ROBO1: variants seen among roughly 807,000 people sequenced by gnomAD.
ROBO1 encodes roundabout homolog 1.
Under a neutral mutation model 195.9 loss-of-function variants are expected in ROBO1, and 149 were observed. That is an observed-to-expected ratio of 0.76 (90% CI 0.67 to 0.87). ROBO1 has a LOEUF of 0.87. ROBO1 is among the 40% of genes least tolerant of loss of function. The probability of loss-of-function intolerance (pLI) is 0.00; values close to 1 mark genes in which losing one functional copy is unlikely to be tolerated. For missense variants in ROBO1, 1,933 were observed against 2,068.3 expected (o/e 0.93, Z 1.27); for synonymous variants, 816 against 733.2 (o/e 1.11, Z -1.82).
chr3:79,681,744 T>C (rs1398312620), intron 1 of ROBO1, among the ~76,000 whole-genome samples: 5 of 151,954 alleles, frequency 3.3e-5, no homozygotes, highest in Non-Finnish European at 7.4e-5. Context: ...GGGCTTCCCC[T>C]TGGCTCTTTC....
At chr3:79,398,846 C>G (rs2037252020) in intron 2 of ROBO1, among the ~76,000 whole-genome samples, 2 of 152,046 alleles carry the variant, frequency 1.3e-5, no homozygotes, top group South Asian at 4.1e-4. Context: ...GACTTTTAGA[C>G]ATTTTTATGT....
At chr3:79,608,956 A>T (rs1447683122) in intron 1 of ROBO1, among the ~76,000 whole-genome samples, 1 of 151,908 alleles carries the variant, frequency 6.6e-6, no homozygotes, top group African/African-American at 2.4e-5. Context: ...TATAAAGGAG[A>T]TGTCTTACAG....
intron 2 of ROBO1, among the ~76,000 whole-genome samples, chr3:79,455,588 G>A (rs1389111076): frequency 2.6e-5 from 4 of 151,938 alleles, no homozygotes; most frequent in Non-Finnish European, 4.4e-5. Context: ...CAGTTGTAGT[G>A]CTCTGAGTCA....
At chr3:79,334,851 A>C (rs1184850711) in intron 2 of ROBO1, among the ~76,000 whole-genome samples, 1 of 152,126 alleles carries the variant, frequency 6.6e-6, no homozygotes, top group African/African-American at 2.4e-5. Context: ...CATGCCTATA[A>C]TCCCAGCACT....
intron 4 of ROBO1, among the ~76,000 whole-genome samples, chr3:78,806,893 C>T (rs755918405): frequency 1.3e-5 from 2 of 151,940 alleles, no homozygotes; most frequent in Non-Finnish European, 2.9e-5. Context: ...CTGCAACCTC[C>T]GCCTCCCAGG....
At chr3:79,399,599 G>T (rs1399783467) in intron 2 of ROBO1, among the ~76,000 whole-genome samples, 1 of 152,074 alleles carries the variant, frequency 6.6e-6, no homozygotes, top group Non-Finnish European at 1.5e-5. Flanking sequence ...TTCTGGCACA[G>T]ACATGTTTAC....
intron 4 of ROBO1, among the ~76,000 whole-genome samples, chr3:78,857,613 C>A (rs545380665): frequency 6.6e-6 from 1 of 152,326 alleles, no homozygotes; most frequent in African/African-American, 2.4e-5. Context: ...TTTCGAAAGG[C>A]AAACTCTCAG....
At chr3:79,259,609 A>T (rs2082902943) in intron 2 of ROBO1, among the ~76,000 whole-genome samples, 1 of 151,862 alleles carries the variant, frequency 6.6e-6, no homozygotes, top group Non-Finnish European at 1.5e-5. Context: ...GCCTCTGGTG[A>T]TCATCTTTCT....
In ROBO1 at chr3:79,088,171, CTCTGTCACTATAATA is replaced by C. The variant is rs577738082; in HGVS notation, c.172+37270_172+37284del. The stretch of plus-strand genomic sequence containing the variant: ...GCTGATTATTCGATATGGGAAAGCA[CTCTGTCACTATAATA>C]TCTGCTATGTGATCCATGTATAACA... On this transcript the variant is annotated intron_variant, in intron 3 of 30. Coordinates refer to ENST00000464233, the MANE Select transcript of ROBO1 (RefSeq NM_002941.4). Among the ~76,000 whole-genome samples the C allele has an allele frequency of 8.5e-3, 1,292 of 152,214 alleles. 6 individuals are homozygous for C. The highest frequency in any genetic ancestry group is 0.014 in the Non-Finnish European group (928 of 67,966).
chr3:79,014,337 GT>G (rs1037163828), intron 3 of ROBO1, among the ~76,000 whole-genome samples: 5 of 152,266 alleles, frequency 3.3e-5, no homozygotes, highest in Non-Finnish European at 5.9e-5. Flanking sequence ...GCCTGGCATG[GT>G]GGTGGGCATC....
intron 2 of ROBO1, among the ~76,000 whole-genome samples, chr3:79,288,727 T>C (rs967299516): frequency 6.6e-6 from 1 of 152,174 alleles, no homozygotes; most frequent in Non-Finnish European, 1.5e-5. Flanking sequence ...CGCCTATATA[T>C]TGCTATTGTT....
At chr3:78,823,617 T>C (rs761762402) in intron 4 of ROBO1, among the ~76,000 whole-genome samples, 1 of 152,184 alleles carries the variant, frequency 6.6e-6, no homozygotes, top group Non-Finnish European at 1.5e-5. Context: ...CTGCCTTCAT[T>C]TCCAGCCTCA....
chr3:79,622,473 C>A (rs976546480), intron 1 of ROBO1, among the ~76,000 whole-genome samples: 4 of 152,322 alleles, frequency 2.6e-5, no homozygotes, highest in African/African-American at 9.6e-5. Context: ...CTCTGTAGCT[C>A]CAGCCTGTGC....
chr3:79,398,633 G>A lies in ROBO1; in HGVS notation c.88+191191C>T, dbSNP rs189884923. On this transcript the variant is annotated intron_variant, in intron 2 of 30. Coordinates refer to ENST00000464233, the MANE Select transcript of ROBO1 (RefSeq NM_002941.4). ...TTTTTGCCTACATGAATTCTCAGTG[G>A]GACAGTTGGAAGTTTTCATTCAGAA... Among the ~76,000 whole-genome samples the A allele has an allele frequency of 1.3e-3, 199 of 152,098 alleles. 1 individual carries two copies. The highest frequency in any genetic ancestry group is 4.6e-3 in the African/African-American group (190 of 41,502).
chr3:79,345,750 C>G (rs2035086437), intron 2 of ROBO1, among the ~76,000 whole-genome samples: 2 of 152,244 alleles, frequency 1.3e-5, no homozygotes, highest in Admixed American at 6.5e-5. Context: ...CTCTCCTTAC[C>G]CTGCCATACA....
chr3:79,396,934 A>G (rs1361715014), intron 2 of ROBO1, among the ~76,000 whole-genome samples: 1 of 152,128 alleles, frequency 6.6e-6, no homozygotes, highest in South Asian at 2.1e-4. Flanking sequence ...ATACATTCAC[A>G]ATAAAATTAC....
chr3:79,138,461 A>C (rs2108605563), intron 2 of ROBO1, among the ~76,000 whole-genome samples: 1 of 152,192 alleles, frequency 6.6e-6, no homozygotes, highest in African/African-American at 2.4e-5. Context: ...TCATATACTT[A>C]TCTATCTAAA....
Position 78,627,544 on chromosome 3 carries a change from C to A in ROBO1, c.3652G>T (p.Val1218Leu). The A allele has an allele frequency of 6.2e-7, 1 of 1,612,746 alleles. No homozygotes were observed. The highest frequency in any genetic ancestry group is 8.5e-7 in the Non-Finnish European group (1 of 1,179,392). Residue 1218 changes from valine (V) to leucine (L), a missense_variant, in exon 26 of 31, where the codon GTG becomes TTG. By Grantham distance (32) the Val-to-Leu change is conservative. This residue lies in a region of ROBO1 where 1,737 missense variants were observed against 1,882.5 expected (regional missense o/e 0.92). Coordinates refer to ENST00000464233, the MANE Select transcript of ROBO1 (RefSeq NM_002941.4). ...TGCAAATACATCCTTGCTGGTGGCACGGGACATGGCATTTCTTGGTCATAG... is the reference window on the plus strand; with the variant it reads ...TGCAAATACATCCTTGCTGGTGGCAAGGGACATGGCATTTCTTGGTCATAG... ...ESYDQEMPCP[V>L]PPARMYLQQD... is the part of the protein sequence containing the mutation.
At chr3:78,675,159 A>T (rs1292124452) in intron 10 of ROBO1, among the ~76,000 whole-genome samples, 1 of 149,888 alleles carries the variant, frequency 6.7e-6, no homozygotes, top group African/African-American at 2.5e-5. Flanking sequence ...TCATCCACTC[A>T]TTAAAAAAAA....
Sources: allele counts gnomAD v4.1 joint callset (sites outside exome capture counted in the v4.1 genomes callset), GRCh38; gene constraint gnomAD v4.1.1; regional missense constraint gnomAD v4.1.1; transcripts MANE v1.5; gene names NCBI Gene and HGNC (gene_info 2026-07-23, HGNC 2026-07-21).